ZNF536: variants seen among roughly 807,000 people sequenced by gnomAD.
The protein encoded by ZNF536 is zinc finger protein 536.
A neutral mutation model predicts 84.5 loss-of-function variants in ZNF536; 13 were observed. That is an observed-to-expected ratio of 0.15 (90% CI 0.10 to 0.24). ZNF536 has a LOEUF of 0.24. ZNF536 is among the 10% of genes least tolerant of loss of function. The pLI is 1.00. For synonymous variants in ZNF536, 811 were observed against 742.5 expected, an observed-to-expected ratio of 1.09 and a Z score of -1.50; for missense variants, 1,536 against 1,747.5, an observed-to-expected ratio of 0.88 and a Z score of 2.16.
intron 2 of ZNF536, among the ~76,000 whole-genome samples, chr19:30,343,292 A>G (rs1169315530): frequency 1.3e-5 from 2 of 152,206 alleles, no homozygotes; most frequent in Non-Finnish European, 2.9e-5. Context: ...AACATTGCCT[A>G]TTTTAGAGAC....
intron 1 of ZNF536, among the ~76,000 whole-genome samples, chr19:30,655,532 A>G (rs1274163578): frequency 6.6e-6 from 1 of 152,140 alleles, no homozygotes; most frequent in Non-Finnish European, 1.5e-5. Flanking sequence ...TTTGCCGTCA[A>G]CTCAGAGAAA....
intron 1 of ZNF536, among the ~76,000 whole-genome samples, chr19:30,599,775 C>G (rs2047616198): frequency 6.6e-6 from 1 of 152,136 alleles, no homozygotes; most frequent in Non-Finnish European, 1.5e-5. Flanking sequence ...TTTCACAAAG[C>G]ACATTTGTCT....
chr19:30,292,631 C>A (rs915899140), intron 2 of ZNF536, among the ~76,000 whole-genome samples: 1 of 151,930 alleles, frequency 6.6e-6, no homozygotes, highest in African/African-American at 2.4e-5. Context: ...TAGGGGACTT[C>A]TTTGGGTGTT....
chr19:30,295,147 TC>T (rs1227169101), intron 2 of ZNF536, among the ~76,000 whole-genome samples: 2 of 152,126 alleles, frequency 1.3e-5, no homozygotes, highest in African/African-American at 2.4e-5. Flanking sequence ...CTTAACAGGC[TC>T]CCAAGAGATG....
chr19:30,383,065 G>A (rs983137708), intron 1 of ZNF536, among the ~76,000 whole-genome samples: 1 of 152,164 alleles, frequency 6.6e-6, no homozygotes, highest in Admixed American at 6.6e-5. Flanking sequence ...CAAGGTGGGC[G>A]GATCACCTGA....
In ZNF536 at chr19:30,238,983, G is replaced by A. The variant is rs548216071; in HGVS notation, c.-190+10310G>A. On this transcript the variant is annotated intron_variant, in intron 1 of 5. Coordinates refer to the ZNF536 transcript ENST00000585628. ...TTGAACCTGTGACCACTGCATTCAA[G>A]AAGAGTCACCCAAGAGAGAGGTGGG... is the stretch of plus-strand genomic sequence containing the variant. Among the ~76,000 whole-genome samples, 35 of 152,292 alleles carry A rather than the reference G, an allele frequency of 2.3e-4. No individual in the cohort carries two copies. In the Middle Eastern group the frequency reaches 0.01, roughly 44 times the overall value.
At chr19:30,368,011 G>A (rs1880489281), upstream of ZNF536, among the ~76,000 whole-genome samples, 1 of 152,186 alleles carries the variant, frequency 6.6e-6, no homozygotes, top group Admixed American at 6.5e-5. Context: ...CTTGGTTCTG[G>A]TCGTCTGAAC....
intron 1 of ZNF536, among the ~76,000 whole-genome samples, chr19:30,617,362 T>TTTTTTTTTTTTC (rs1568607054): frequency 8.9e-6 from 1 of 112,180 alleles, no homozygotes; most frequent in Non-Finnish European, 1.8e-5. Context: ...TTTTTTTTTT[T>TTTTTTTTTTTTC]TTTTATGAGA....
At chr19:30,300,250 T>C (rs1006168807) in intron 2 of ZNF536, among the ~76,000 whole-genome samples, 2 of 152,138 alleles carry the variant, frequency 1.3e-5, no homozygotes, top group African/African-American at 4.8e-5. Flanking sequence ...CTGGGTGGTG[T>C]TGAACAGGAA....
At chr19:30,353,655 G>A (rs948275905) in intron 3 of ZNF536, among the ~76,000 whole-genome samples, 1 of 152,076 alleles carries the variant, frequency 6.6e-6, no homozygotes, top group African/African-American at 2.4e-5. Context: ...GCATATCGCC[G>A]GCAGGAGCAA....
intron 1 of ZNF536, among the ~76,000 whole-genome samples, chr19:30,604,286 A>T (rs2047795287): frequency 6.6e-6 from 1 of 152,184 alleles, no homozygotes; most frequent in Non-Finnish European, 1.5e-5. Context: ...GCTTTTTTTT[A>T]AGTTACAGAA....
chr19:30,608,853 G>A lies in ZNF536; in HGVS notation c.169+59339G>A, dbSNP rs1400302973. On this transcript the variant is annotated intron_variant, in intron 1 of 1. Transcript: ENST00000592773. ...CCAGCTTCCTTGGTGCCTAAGGAGT[G>A]GGCATGGGAATCAGAATGTTGCCTT... is the stretch of plus-strand genomic sequence containing the variant. Among the ~76,000 whole-genome samples the A allele has an allele frequency of 2.6e-5, 4 of 152,166 alleles. No individual in the cohort carries two copies. In the South Asian group the frequency reaches 6.2e-4, roughly 24 times the overall value.
At chr19:30,227,517 C>T (rs530189473), upstream of ZNF536, among the ~76,000 whole-genome samples, 18 of 152,292 alleles carry the variant, frequency 1.2e-4, no homozygotes, top group South Asian at 3.5e-3. Flanking sequence ...TCGCCGGAGA[C>T]GTGATTTGTC....
intron 2 of ZNF536, among the ~76,000 whole-genome samples, chr19:30,489,039 C>T (rs2054404132): frequency 1.3e-5 from 2 of 152,162 alleles, no homozygotes; most frequent in Non-Finnish European, 2.9e-5. Context: ...CCCAAGGTAT[C>T]TGCAAGACCA....
In ZNF536 at chr19:30,456,519, C is replaced by T. The variant is rs116353627; in HGVS notation, c.2170+10787C>T. On this transcript the variant is annotated intron_variant, in intron 2 of 4. Coordinates refer to ENST00000355537, the MANE Select transcript of ZNF536 (RefSeq NM_014717.3). The stretch of plus-strand genomic sequence containing the variant: ...CTGCGGCTCTAGACTGTTTGTTTTA[C>T]GCTGGTGTTTGCACCATGAGAAAAT... 4.0e-3 allele frequency among the ~76,000 whole-genome samples: 603 copies of T among 152,144 alleles called. 4 individuals are homozygous for T. Among genetic ancestry groups the T allele is most frequent in the African/African-American group, 0.012 (503 of 41,522 alleles).
At chr19:30,643,999 T>G (rs957120589) in intron 1 of ZNF536, among the ~76,000 whole-genome samples, 1 of 152,234 alleles carries the variant, frequency 6.6e-6, no homozygotes, top group African/African-American at 2.4e-5. Context: ...CGTTTCGATC[T>G]CTGTTACATG....
chr19:30,493,517 C>T (rs1489031678), intron 2 of ZNF536, among the ~76,000 whole-genome samples: 1 of 152,166 alleles, frequency 6.6e-6, no homozygotes, highest in African/African-American at 2.4e-5. Flanking sequence ...TTCATAGACA[C>T]ATAGACCAAG....
At chr19:30,542,050 G>A (rs1024414211) in intron 3 of ZNF536, among the ~76,000 whole-genome samples, 2 of 152,060 alleles carry the variant, frequency 1.3e-5, no homozygotes, top group East Asian at 3.8e-4. Flanking sequence ...GCAAATACAG[G>A]AAAATATTCA....
At chr19:30,375,369 C>A (rs2048773629) in intron 1 of ZNF536, among the ~76,000 whole-genome samples, 1 of 152,076 alleles carries the variant, frequency 6.6e-6, no homozygotes, top group Non-Finnish European at 1.5e-5. Context: ...CAGCTGCCGC[C>A]GCATAGTAAT....
Sources: gnomAD v4.1 joint callset for allele counts (sites outside exome capture counted in the v4.1 genomes callset) on GRCh38, gnomAD v4.1.1 for gene constraint, MANE v1.5 for transcripts, NCBI Gene and HGNC (gene_info 2026-07-23, HGNC 2026-07-21) for gene names.